RIC3: variants seen among roughly 807,000 people sequenced by gnomAD.
RIC3 encodes the protein RIC3 acetylcholine receptor chaperone.
Under a neutral mutation model 27.3 loss-of-function variants are expected in RIC3, and 28 were observed. That is an observed-to-expected ratio of 1.02 (90% CI 0.76 to 1.41). The LOEUF (loss-of-function observed/expected upper bound fraction) is 1.41. Among genes scored for constraint, RIC3 ranks in the 40% most tolerant of loss-of-function variants. The pLI, the probability that RIC3 is intolerant of heterozygous loss-of-function variation, is 0.00. For missense variants in RIC3, 501 were observed against 444.7 expected, an observed-to-expected ratio of 1.13 and a Z score of -1.14; for synonymous variants, 184 against 160.4, an observed-to-expected ratio of 1.15 and a Z score of -1.11.
intron 1 of RIC3, 109 bp downstream of exon 1, chr11:8,168,757 G>A (rs917504904): frequency 1.2e-5 from 17 of 1,440,910 alleles, no homozygotes; most frequent in African/African-American, 1.4e-5. Flanking sequence ...AGTCAGTTTG[G>A]TGGATATTTC....
chr11:8,159,521 A>C (rs1385063957), intron 1 of RIC3, among the ~76,000 whole-genome samples: 1 of 152,136 alleles, frequency 6.6e-6, no homozygotes, highest in Non-Finnish European at 1.5e-5. Context: ...GAATAGACTG[A>C]AGTGGGGAAG....
intron 5 of RIC3, among the ~76,000 whole-genome samples, chr11:8,123,755 G>A (rs1025195690): frequency 6.6e-6 from 1 of 151,612 alleles, no homozygotes; most frequent in Non-Finnish European, 1.5e-5. Flanking sequence ...AAAACTCCAG[G>A]CCAACTGGGC....
At chr11:8,168,676 G>A (rs1486333067) in intron 1 of RIC3, among the ~76,000 whole-genome samples, 190 bp downstream of exon 1, 1 of 152,206 alleles carries the variant, frequency 6.6e-6, no homozygotes, top group African/African-American at 2.4e-5. Flanking sequence ...AGAACCATCT[G>A]GGCCGCCACC....
At chr11:8,095,578 G>A in the RIC3 span, 1 of 1,613,264 alleles carries the variant, frequency 6.2e-7, no homozygotes, top group Non-Finnish European at 8.5e-7. Flanking sequence ...GGGCCAGTCA[G>A]ACCACGCCCA....
the RIC3 span, chr11:8,100,716 C>T: frequency 3.2e-6 from 5 of 1,551,034 alleles, no homozygotes; most frequent in Middle Eastern, 1.7e-4. Flanking sequence ...GTGAGAAAGC[C>T]CTGGAGGTCT....
intron 1 of RIC3, among the ~76,000 whole-genome samples, chr11:8,156,917 T>C (rs1950710778): frequency 6.6e-6 from 1 of 152,212 alleles, no homozygotes; most frequent in African/African-American, 2.4e-5. Context: ...GGTAACATTT[T>C]CCACTAAACA....
In RIC3 at chr11:8,137,545, A is replaced by G. The variant is rs961407271; in HGVS notation, c.428-74T>C. ...CCTGTTAAAGAGACCACAAATTTTT[A>G]AAAAGCTATTGTACTGTCTAACTTC... On this transcript the variant is annotated intron_variant, in intron 3 of 5. Coordinates refer to ENST00000309737, the MANE Select transcript of RIC3 (RefSeq NM_001206671.4). 65 of 1,185,232 alleles carry G rather than the reference A, an allele frequency of 5.5e-5. No homozygotes were observed. The Middle Eastern group carries it at 7.8e-4, about 14-fold the overall frequency. The allele number at this position is 1,185,232 out of a possible 1,614,324, so 73.4% of individuals were successfully genotyped here. A position where few individuals can be genotyped will look rare whatever the true frequency, so the allele number is the denominator to read the frequency against.
chr11:8,100,847 C>G, the RIC3 span: 7 of 1,613,992 alleles, frequency 4.3e-6, no homozygotes, highest in African/African-American at 8.0e-5. Context: ...ACTGCTAGCA[C>G]GCTGGCAGAA....
At position 8,137,396 on chromosome 11, in the gene RIC3, A is replaced by G. The variant is rs1403943620; in HGVS notation, c.503T>C (p.Val168Ala). The G allele has an allele frequency of 6.2e-7, 1 of 1,613,850 alleles. No individual in the cohort carries two copies. Among genetic ancestry groups the G allele is most frequent in the Non-Finnish European group, 8.5e-7 (1 of 1,179,916 alleles). ...AACCTACCTCTCACCATTAGGTCCC[A>G]CTCTGTTGATTAATTTTTCCATGGC... The part of the protein sequence containing the change: ...EAAMEKLINR[V>A]GPNGESRAQT... The change falls in exon 4 of 6, where the codon GTG becomes GCG. Residue 168 changes from valine (V) to alanine (A), a missense_variant. Coordinates refer to ENST00000309737, the MANE Select transcript of RIC3 (RefSeq NM_001206671.4).
intron 1 of RIC3, among the ~76,000 whole-genome samples, chr11:8,157,667 G>A (rs1056983687): frequency 3.3e-5 from 5 of 152,182 alleles, no homozygotes; most frequent in Non-Finnish European, 7.3e-5. Flanking sequence ...TGATTTGGAT[G>A]AATTATACTG....
At chr11:8,165,775 TTG>T (rs1219980800) in intron 1 of RIC3, among the ~76,000 whole-genome samples, 5 of 108,874 alleles carry the variant, frequency 4.6e-5, no homozygotes, top group Non-Finnish European at 6.9e-5. Context: ...GGTTTTTTTT[TTG>T]TTTTGTTTTG....
At chr11:8,131,947 A>G (rs980980126) in intron 4 of RIC3, among the ~76,000 whole-genome samples, 1 of 151,770 alleles carries the variant, frequency 6.6e-6, no homozygotes, top group African/African-American at 2.4e-5. Flanking sequence ...TTCTAATTCA[A>G]TAAGTATTTC....
intron 1 of RIC3, among the ~76,000 whole-genome samples, chr11:8,144,809 A>G (rs1949495128): frequency 6.6e-6 from 1 of 152,106 alleles, no homozygotes; most frequent in Non-Finnish European, 1.5e-5. Context: ...GACTAGATTA[A>G]GAAAATGTGG....
the RIC3 span, among the ~76,000 whole-genome samples, chr11:8,095,075 T>C: frequency 1.3e-5 from 2 of 152,312 alleles, no homozygotes; most frequent in South Asian, 4.1e-4. Flanking sequence ...TTACTGCACG[T>C]GTGTATGTTG....
chr11:8,112,255 G>A (rs986343564), intron 5 of RIC3, among the ~76,000 whole-genome samples: 5 of 150,946 alleles, frequency 3.3e-5, no homozygotes, highest in Non-Finnish European at 7.4e-5. Context: ...TTTTTTAACC[G>A]TATATACACA....
At chr11:8,097,267 C>T in the RIC3 span, 1 of 1,614,082 alleles carries the variant, frequency 6.2e-7, no homozygotes, top group African/African-American at 1.3e-5. Flanking sequence ...TCCAGAGCAA[C>T]CAGTGGACGT....
chr11:8,105,953 A>G (rs577274373), downstream of RIC3: 336 of 152,264 alleles, frequency 2.2e-3, 1 homozygote, highest in Non-Finnish European at 3.8e-3. Flanking sequence ...AGTTTTCACA[A>G]TGCCTAGACT....
the RIC3 span, chr11:8,098,785 T>G: frequency 6.2e-7 from 1 of 1,614,098 alleles, no homozygotes; most frequent in Non-Finnish European, 8.5e-7. Context: ...CCAAGTTCAC[T>G]GTTTATGACA....
intron 5 of RIC3, among the ~76,000 whole-genome samples, chr11:8,122,351 G>A (rs1020703531): frequency 6.6e-6 from 1 of 151,904 alleles, no homozygotes; most frequent in African/African-American, 2.4e-5. Context: ...GTAACCTTTG[G>A]GAATTAGTTT....
Sources: allele counts gnomAD v4.1 joint callset (sites outside exome capture counted in the v4.1 genomes callset), GRCh38; gene constraint gnomAD v4.1.1; transcripts MANE v1.5; gene names NCBI Gene and HGNC (gene_info 2026-07-23, HGNC 2026-07-21).